Variants in OSBP observed in about 807,000 individuals in gnomAD.
OSBP encodes oxysterol binding protein, also known as oxysterol-binding protein 1.
OSBP carries 32 observed loss-of-function variants against 96.6 expected under a neutral mutation model. The ratio of observed to expected loss-of-function variants is 0.33; its 90% CI spans 0.25 to 0.45. The LOEUF (loss-of-function observed/expected upper bound fraction) is 0.45, where lower values mean the gene tolerates loss of function less well. Among genes scored for constraint, OSBP ranks in the 20% least tolerant of loss-of-function variants. The probability of loss-of-function intolerance (pLI) is 1.00; values close to 1 mark genes in which losing one functional copy is unlikely to be tolerated. For missense variants in OSBP, 653 were observed against 1,029.7 expected (o/e 0.63, Z 5.01); for synonymous variants, 369 against 389.6 (o/e 0.95, Z 0.62).
At chr11:59,584,141 T>TC (rs1475771439) in intron 9 of OSBP, among the ~76,000 whole-genome samples, 2 of 151,840 alleles carry the variant, frequency 1.3e-5, no homozygotes, top group Non-Finnish European at 2.9e-5. Context: ...GACACAGGGT[T>TC]CCACTATGTT....
At position 59,576,456 on chromosome 11, in the gene OSBP, G is replaced by C. The variant is rs1220605470; in HGVS notation, c.*121C>G. The C allele has an allele frequency of 1.8e-6, 2 of 1,116,694 alleles. No individual in the cohort carries two copies. Among genetic ancestry groups the C allele is most frequent in the Non-Finnish European group, 2.6e-6 (2 of 784,080 alleles). 69.2% of individuals were successfully genotyped at this position (1,116,694 alleles called of 1,614,324 possible). A position where few individuals can be genotyped will look rare whatever the true frequency, so the allele number is the denominator to read the frequency against. ...TTCTGGTGATTGATTTGGAAAAAAT[G>C]ATTGGTCAAGAGAGACAAACTTGAG... On this transcript the variant is annotated 3_prime_UTR_variant, in exon 14 of 14. Coordinates refer to ENST00000263847, the MANE Select transcript of OSBP (RefSeq NM_002556.3).
chr11:59,589,041 GAAAC>G, intron 9 of OSBP, among the ~76,000 whole-genome samples: 1 of 150,654 alleles, frequency 6.6e-6, no homozygotes, highest in Non-Finnish European at 1.5e-5. Context: ...AAAAAAATAA[GAAAC>G]AAAAATTGGA....
At chr11:59,587,191 A>G (rs1375307030) in intron 9 of OSBP, among the ~76,000 whole-genome samples, 1 of 152,216 alleles carries the variant, frequency 6.6e-6, no homozygotes, top group Non-Finnish European at 1.5e-5. Context: ...AAAAAGCTAA[A>G]GAACTCAAGT....
chr11:59,605,410 T>C lies in OSBP; in HGVS notation c.822+3074A>G, dbSNP rs188476470. ...CTCCCTCATTCCCTTTTATTTCATT[T>C]ATTTATTTATTTATTTTTGAGACAG... On this transcript the variant is annotated intron_variant, in intron 3 of 13. Coordinates refer to ENST00000263847, the MANE Select transcript of OSBP (RefSeq NM_002556.3). 3.9e-5 allele frequency among the ~76,000 whole-genome samples: 6 copies of C among 152,176 alleles called. No homozygotes were observed. The East Asian group carries it at 1.2e-3, about 30-fold the overall frequency.
In OSBP at chr11:59,592,799, CT is replaced by C. The variant is rs11440698; in HGVS notation, c.1678+804del. 4.0e-3 allele frequency among the ~76,000 whole-genome samples: 569 copies of C among 141,328 alleles called. 2 individuals are homozygous for C. The highest frequency in any genetic ancestry group is 4.0e-3 in the East Asian group (20 of 4,978). 92.7% of individuals were successfully genotyped at this position (141,328 alleles called of 152,430 possible). A position where few individuals can be genotyped will look rare whatever the true frequency, so the allele number is the denominator to read the frequency against. ...AGAGTTTTTGTTTTTTGGGTTTTTC[CT>C]TTTTTTTTTTTTTGAGATAGAGTTT... On this transcript the variant is annotated intron_variant, in intron 9 of 13. Transcript: ENST00000263847.
At position 59,601,622 on chromosome 11, in the gene OSBP, G is replaced by C. The variant is rs1215031466; in HGVS notation, c.1021+18C>G. Reference sequence around the variant, plus strand: ...TGGCTCACCTTAGACCAGGCTACCTGAGAGCTAAGTGTCTTACCTTTACCA... The same window carrying C: ...TGGCTCACCTTAGACCAGGCTACCTCAGAGCTAAGTGTCTTACCTTTACCA... On this transcript the variant is annotated intron_variant, in intron 4 of 13. Transcript: ENST00000263847. The C allele has an allele frequency of 1.7e-5, 27 of 1,610,848 alleles. No individual in the cohort carries two copies. Among genetic ancestry groups the C allele is most frequent in the Admixed American group, 3.3e-5 (2 of 59,986 alleles).
chr11:59,578,518 G>A (rs1042627396), intron 11 of OSBP, among the ~76,000 whole-genome samples, 188 bp from the exon 12 acceptor site: 2 of 152,082 alleles, frequency 1.3e-5, no homozygotes, highest in African/African-American at 4.8e-5. Context: ...TGATGCAATC[G>A]TAGCTCACTG....
chr11:59,614,989 T>G (rs1299747275), intron 1 of OSBP, among the ~76,000 whole-genome samples: 1 of 152,074 alleles, frequency 6.6e-6, no homozygotes, highest in Non-Finnish European at 1.5e-5. Context: ...GAATTAATAA[T>G]TGCACCCATG....
chr11:59,580,185 C>T lies in OSBP; in HGVS notation c.1867G>A (p.Val623Ile), dbSNP rs1417199515. The change falls in exon 11 of 14, where the codon GTA becomes ATA. Residue 623 changes from valine to isoleucine, a missense_variant. Transcript: ENST00000263847. ...TCAACTTCCCTTACCTTTCTTGCTA[C>T]ATCCCGAGAGAAGTAGCTATAAGGA... is the stretch of plus-strand genomic sequence containing the variant. The part of the protein sequence containing the change: ...FVPYSYFSRD[V>I]ARKVTGEVTD... The T allele has an allele frequency of 6.2e-7, 1 of 1,604,088 alleles. No individual in the cohort carries two copies. The highest frequency in any genetic ancestry group is 1.1e-5 in the South Asian group (1 of 90,862).
chr11:59,580,120 G>T, intron 11 of OSBP, 54 bp downstream of exon 11: 1 of 1,175,894 alleles, frequency 8.5e-7, no homozygotes, highest in Non-Finnish European at 1.3e-6. Flanking sequence ...AAAGGAGTAT[G>T]CTTTCTAAGA....
chr11:59,600,728 T>C (rs1860713175), intron 6 of OSBP, 91 bp downstream of exon 6: 3 of 1,557,502 alleles, frequency 1.9e-6, no homozygotes, highest in Non-Finnish European at 2.6e-6. Flanking sequence ...AAAAAATCAG[T>C]TTCTCTTAGC....
rs1204807080 is a variant in OSBP at position 59,589,107 on chromosome 11, T to C, written c.1678+4497A>G. On this transcript the variant is annotated intron_variant, in intron 9 of 13. Transcript: ENST00000263847. Reference sequence around the variant, plus strand: ...TAGAGGCCAGAAGGCAGTGGGATAATATATGCAAAATGCTGAAAGCAAAAG... The same window carrying C: ...TAGAGGCCAGAAGGCAGTGGGATAACATATGCAAAATGCTGAAAGCAAAAG... Among the ~76,000 whole-genome samples the C allele has an allele frequency of 3.4e-5, 5 of 149,136 alleles. No homozygotes were observed. In the East Asian group the frequency reaches 9.8e-4, roughly 29 times the overall value.
At chr11:59,589,750 C>G (rs1759571587) in intron 9 of OSBP, among the ~76,000 whole-genome samples, 1 of 151,782 alleles carries the variant, frequency 6.6e-6, no homozygotes, top group African/African-American at 2.4e-5. Context: ...TTTGGGAGGC[C>G]AAGGTGGGCG....
chr11:59,596,872 A>C (rs1360194546), intron 7 of OSBP, among the ~76,000 whole-genome samples: 1 of 152,168 alleles, frequency 6.6e-6, no homozygotes, highest in Non-Finnish European at 1.5e-5. Context: ...GCCAGACTCC[A>C]GTAGCCACGG....
chr11:59,592,458 G>C (rs757749661), intron 9 of OSBP, among the ~76,000 whole-genome samples: 3 of 152,208 alleles, frequency 2.0e-5, no homozygotes, highest in East Asian at 1.9e-4. Context: ...AAGAACTGTA[G>C]CTATACCTCG....
chr11:59,591,067 C>G lies in OSBP; in HGVS notation c.1678+2537G>C, dbSNP rs999835453. Among the ~76,000 whole-genome samples, 3 of 152,162 alleles carry G rather than the reference C, an allele frequency of 2.0e-5. No homozygotes were observed. The South Asian group carries it at 6.2e-4, about 31-fold the overall frequency. Reference sequence around the variant, plus strand: ...ATATGTGGAGGAACTTAACAGGATCCCGGTGATCCAAATTCTTAAATAAGC... The same window carrying G: ...ATATGTGGAGGAACTTAACAGGATCGCGGTGATCCAAATTCTTAAATAAGC... On this transcript the variant is annotated intron_variant, in intron 9 of 13. Coordinates refer to ENST00000263847, the MANE Select transcript of OSBP (RefSeq NM_002556.3).
chr11:59,615,555 C>A lies in OSBP; in HGVS notation c.110G>T (p.Gly37Val). 1 of 1,357,740 alleles carries A rather than the reference C, an allele frequency of 7.4e-7. No homozygotes were observed. Among genetic ancestry groups the A allele is most frequent in the South Asian group, 1.7e-5 (1 of 58,668 alleles). The allele number at this position is 1,357,740 out of a possible 1,614,324, so 84.1% of individuals were successfully genotyped here. A position where few individuals can be genotyped will look rare whatever the true frequency, so the allele number is the denominator to read the frequency against. The change falls in exon 1 of 14, where the codon GGA becomes GTA. Residue 37 changes from glycine (G) to valine (V), a missense_variant. Transcript: ENST00000263847. ...GGCCCCGGAGCCTGGCCCCGCATCT[C>A]CGCGGCCGCCGCCTCCTCCCACCAC... ...PPVVGGGGGRGDAGPGSGAAS... is the reference protein window; with the variant it reads ...PPVVGGGGGRVDAGPGSGAAS...
chr11:59,579,191 T>C (rs570338989), intron 11 of OSBP, among the ~76,000 whole-genome samples: 9 of 152,156 alleles, frequency 5.9e-5, no homozygotes, highest in Non-Finnish European at 1.2e-4. Flanking sequence ...CAGCTATTCT[T>C]CAGTCTCCCA....
In OSBP at chr11:59,601,088, G is replaced by C. The variant is rs568630603; in HGVS notation, c.1124+195C>G. 4.9e-5 allele frequency among the ~76,000 whole-genome samples: 7 copies of C among 144,030 alleles called. No homozygotes were observed. The South Asian group carries it at 1.6e-3, about 32-fold the overall frequency. 94.5% of individuals were successfully genotyped at this position (144,030 alleles called of 152,430 possible). ...ATTTTTTCACTTACTTAAGAAAAAG[G>C]GCCCATTCTACAAAGAGATCTTGAG... On this transcript the variant is annotated intron_variant, in intron 5 of 13. Coordinates refer to ENST00000263847, the MANE Select transcript of OSBP (RefSeq NM_002556.3).
Sources: allele counts gnomAD v4.1 joint callset (sites outside exome capture counted in the v4.1 genomes callset), GRCh38; gene constraint gnomAD v4.1.1; transcripts MANE v1.5; gene names NCBI Gene and HGNC (gene_info 2026-07-23, HGNC 2026-07-21).